Variants in NRG1 observed in about 807,000 individuals in gnomAD.
NRG1 encodes the protein pro-neuregulin-1, membrane-bound isoform.
Under a neutral mutation model 63.8 loss-of-function variants are expected in NRG1, and 18 were observed. That is an observed-to-expected ratio of 0.28 (90% CI 0.19 to 0.42). The LOEUF (loss-of-function observed/expected upper bound fraction) is 0.42. Among genes scored for constraint, NRG1 ranks in the 10% least tolerant of loss-of-function variants. The pLI is 1.00. For missense variants in NRG1, 762 were observed against 814.7 expected, an observed-to-expected ratio of 0.94 and a Z score of 0.79; for synonymous variants, 302 against 301.3, an observed-to-expected ratio of 1.00 and a Z score of -0.02.
chr8:32,770,520 T>C (rs753533927), downstream of NRG1, among the ~76,000 whole-genome samples: 6 of 152,214 alleles, frequency 3.9e-5, no homozygotes, highest in Non-Finnish European at 7.3e-5. Context: ...ACAGCTAAGT[T>C]TCTTTTTAGA....
At chr8:32,462,595 C>CT (rs58485445) in intron 1 of NRG1, among the ~76,000 whole-genome samples, 1,513 of 72,030 alleles carry the variant, frequency 0.021, 8 homozygotes, top group East Asian at 0.028. Context: ...CACACTGATT[C>CT]TTTTTTTTTT....
At chr8:32,002,583 T>C (rs931104251) in intron 1 of NRG1, among the ~76,000 whole-genome samples, 11 of 151,946 alleles carry the variant, frequency 7.2e-5, no homozygotes, top group African/African-American at 2.7e-4. Flanking sequence ...AGGCTTATCT[T>C]GCATATTTTC....
intron 1 of NRG1, among the ~76,000 whole-genome samples, chr8:32,445,901 G>C (rs561911262): frequency 4.5e-4 from 69 of 152,068 alleles, no homozygotes; most frequent in African/African-American, 1.6e-3. Context: ...AGAGGCTGTG[G>C]GGTGGGGATG....
intron 1 of NRG1, among the ~76,000 whole-genome samples, chr8:32,481,650 T>C (rs758002496): frequency 6.6e-6 from 1 of 152,240 alleles, no homozygotes; most frequent in African/African-American, 2.4e-5. Context: ...TCATTTAACA[T>C]CTCTGCCTTA....
At chr8:32,771,884 G>C (rs1017529262), downstream of NRG1, among the ~76,000 whole-genome samples, 1 of 147,218 alleles carries the variant, frequency 6.8e-6, no homozygotes, top group African/African-American at 2.5e-5. Context: ...TTAGCCGGGC[G>C]TGGTGGCACA....
intron 1 of NRG1, among the ~76,000 whole-genome samples, chr8:32,372,012 AG>A (rs1333076422): frequency 4.5e-5 from 3 of 66,422 alleles, no homozygotes; most frequent in Non-Finnish European, 8.1e-5. Flanking sequence ...TTTTTTTAAA[AG>A]GGTTGTGCCA....
intron 1 of NRG1, among the ~76,000 whole-genome samples, chr8:31,935,053 C>T (rs1386292917): frequency 4.6e-5 from 7 of 151,752 alleles, no homozygotes; most frequent in Non-Finnish European, 8.8e-5. Context: ...TGGGCTCAAG[C>T]AATCCTCCTG....
At chr8:32,502,103 G>C (rs1341084088) in intron 1 of NRG1, among the ~76,000 whole-genome samples, 3 of 152,126 alleles carry the variant, frequency 2.0e-5, no homozygotes, top group African/African-American at 7.2e-5. Flanking sequence ...AAGAAAAGAG[G>C]TTGACTCACA....
At chr8:32,674,169 T>C (rs1032947570) in intron 5 of NRG1, among the ~76,000 whole-genome samples, 15 of 152,212 alleles carry the variant, frequency 9.9e-5, no homozygotes, top group African/African-American at 3.6e-4. Flanking sequence ...TGCAGTTTTA[T>C]TTTTTAACTG....
Position 31,678,032 on chromosome 8 carries a change from TA to T in NRG1, c.37+38613del, listed in dbSNP as rs369465452. 7.3e-3 allele frequency among the ~76,000 whole-genome samples: 1,058 copies of T among 145,802 alleles called. 8 individuals are homozygous for T. The highest frequency in any genetic ancestry group is 0.047 in the South Asian group (215 of 4,604). ...AGCTGGCTTTCTGCCAATGATAAAT[TA>T]AAAAAAAAAAACTACACATAAACGA... On this transcript the variant is annotated intron_variant, in intron 1 of 10. Transcript: ENST00000519301.
At chr8:32,405,124 C>T (rs924687955) in intron 1 of NRG1, among the ~76,000 whole-genome samples, 1 of 152,160 alleles carries the variant, frequency 6.6e-6, no homozygotes, top group Admixed American at 6.5e-5. Context: ...CCAGGCTGTC[C>T]CTGTTGCCTC....
At chr8:31,962,855 G>T (rs1805692100) in intron 1 of NRG1, among the ~76,000 whole-genome samples, 1 of 152,138 alleles carries the variant, frequency 6.6e-6, no homozygotes, top group African/African-American at 2.4e-5. Context: ...TATAAAATGA[G>T]ATGACATACT....
chr8:31,705,312 C>T (rs1811044848), intron 1 of NRG1, among the ~76,000 whole-genome samples: 1 of 152,078 alleles, frequency 6.6e-6, no homozygotes, highest in East Asian at 1.9e-4. Flanking sequence ...TCCCAAAGTG[C>T]TGGGATTACA....
chr8:32,070,303 T>A (rs117972606), intron 1 of NRG1, among the ~76,000 whole-genome samples: 3,168 of 152,258 alleles, frequency 0.021, 38 homozygotes, highest in South Asian at 0.039. Context: ...GAGAGGTTAC[T>A]TGAATTTTTC....
At chr8:31,975,719 A>G (rs555163927) in intron 1 of NRG1, among the ~76,000 whole-genome samples, 3 of 152,298 alleles carry the variant, frequency 2.0e-5, no homozygotes, top group South Asian at 4.1e-4. Flanking sequence ...CTGTGAGTGT[A>G]GACTTCTCCA....
At chr8:32,445,523 G>A (rs1275548963) in intron 1 of NRG1, among the ~76,000 whole-genome samples, 1 of 152,012 alleles carries the variant, frequency 6.6e-6, no homozygotes, top group Non-Finnish European at 1.5e-5. Context: ...TTCACCTTCT[G>A]GGTGACATGG....
intron 1 of NRG1, among the ~76,000 whole-genome samples, chr8:31,776,206 A>G (rs962656957): frequency 6.6e-6 from 1 of 152,226 alleles, no homozygotes; most frequent in Non-Finnish European, 1.5e-5. Flanking sequence ...GTTGTAGGCC[A>G]TGAAAGTTCG....
In NRG1 at chr8:32,373,436, A is replaced by T. The variant is rs1487985196; in HGVS notation, c.38-222392A>T. Among the ~76,000 whole-genome samples the T allele has an allele frequency of 7.9e-5, 12 of 151,908 alleles. No homozygotes were observed. The East Asian group carries it at 1.4e-3, about 17-fold the overall frequency. On this transcript the variant is annotated intron_variant, in intron 1 of 10. Coordinates refer to the NRG1 transcript ENST00000519301. Reference sequence around the variant, plus strand: ...GTATCTTTAAAAAGACTCAAAAATAATTTTTTTAATTTATATGCCTGAGGT... The same window carrying T: ...GTATCTTTAAAAAGACTCAAAAATATTTTTTTTAATTTATATGCCTGAGGT...
intron 1 of NRG1, among the ~76,000 whole-genome samples, chr8:31,897,019 CT>C (rs1403265090): frequency 6.6e-6 from 1 of 152,152 alleles, no homozygotes; most frequent in Non-Finnish European, 1.5e-5. Context: ...TTTAAAGTTG[CT>C]TGTACAGGAT....
Sources: allele counts gnomAD v4.1 joint callset (sites outside exome capture counted in the v4.1 genomes callset), GRCh38; gene constraint gnomAD v4.1.1; transcripts MANE v1.5; gene names NCBI Gene and HGNC (gene_info 2026-07-23, HGNC 2026-07-21).